The following GPHN variants were observed in gnomAD, a reference collection of about 807,000 sequenced individuals.
GPHN encodes the protein gephyrin.
Under a neutral mutation model 95.5 loss-of-function variants are expected in GPHN, and 17 were observed. The observed-to-expected ratio is 0.18, with a 90% CI of 0.12 to 0.27. The LOEUF is 0.27. Ranked by LOEUF, GPHN falls within the 10% of genes least tolerant of loss-of-function variation. GPHN has a pLI of 1.00. For synonymous variants in GPHN, 320 were observed against 322.5 expected (o/e 0.99, Z 0.08); for missense variants, 660 against 978.1 (o/e 0.67, Z 4.34).
chr14:67,685,618 C>T, the GPHN span, among the ~76,000 whole-genome samples: 1 of 151,828 alleles, frequency 6.6e-6, no homozygotes, highest in East Asian at 1.9e-4. Flanking sequence ...CCACCACACC[C>T]ACCCCATCCC....
At chr14:66,948,410 GA>G (rs528736053) in intron 8 of GPHN, among the ~76,000 whole-genome samples, 148 of 152,158 alleles carry the variant, frequency 9.7e-4, no homozygotes, top group Middle Eastern at 3.4e-3. Flanking sequence ...TATGAATCAT[GA>G]ATTTTTGTAG....
chr14:66,575,459 C>A (rs1489378788), intron 1 of GPHN, among the ~76,000 whole-genome samples: 1 of 152,174 alleles, frequency 6.6e-6, no homozygotes, highest in Non-Finnish European at 1.5e-5. Context: ...TCTTTAGAGT[C>A]ATTTAGTAGT....
At chr14:67,325,030 T>C in the GPHN span, among the ~76,000 whole-genome samples, 2 of 146,402 alleles carry the variant, frequency 1.4e-5, no homozygotes, top group African/African-American at 5.0e-5. Flanking sequence ...TCAGCCTCCC[T>C]AGCAGCTGGG....
At chr14:67,204,850 C>T in the GPHN span, 2 of 1,613,908 alleles carry the variant, frequency 1.2e-6, no homozygotes, top group Non-Finnish European at 8.5e-7. Context: ...AGGTACAGGC[C>T]CTGAACATGT....
the GPHN span, chr14:67,392,325 C>G: frequency 6.3e-7 from 1 of 1,581,980 alleles, no homozygotes; most frequent in Admixed American, 1.7e-5. Flanking sequence ...AGCAGCCATA[C>G]CTGCTTGGCC....
chr14:67,640,226 C>A, the GPHN span, among the ~76,000 whole-genome samples: 1 of 152,006 alleles, frequency 6.6e-6, no homozygotes, highest in Non-Finnish European at 1.5e-5. Flanking sequence ...GCTCTGCTAC[C>A]TTTTTATCTG....
At chr14:66,618,095 A>AT (rs1290729769) in intron 1 of GPHN, among the ~76,000 whole-genome samples, 8 of 151,794 alleles carry the variant, frequency 5.3e-5, no homozygotes, top group Non-Finnish European at 1.2e-4. Flanking sequence ...TCAATCTTAC[A>AT]TTTTTTTCTT....
chr14:67,199,749 C>A, the GPHN span: 1 of 1,554,658 alleles, frequency 6.4e-7, no homozygotes. Flanking sequence ...TCATTGGGGT[C>A]TGGGCTTCCT....
At chr14:66,967,675 A>C (rs1449288985) in intron 9 of GPHN, among the ~76,000 whole-genome samples, 4 of 151,958 alleles carry the variant, frequency 2.6e-5, no homozygotes, top group African/African-American at 9.7e-5. Context: ...GATGCTCAAC[A>C]TGTAAAATAA....
chr14:66,652,751 G>C (rs144854427), intron 1 of GPHN, among the ~76,000 whole-genome samples: 1 of 152,036 alleles, frequency 6.6e-6, no homozygotes, highest in Non-Finnish European at 1.5e-5. Context: ...CCTTGTGAGC[G>C]GTTGGCAGAG....
the GPHN span, among the ~76,000 whole-genome samples, chr14:67,286,307 T>C: frequency 6.6e-6 from 1 of 152,196 alleles, no homozygotes; most frequent in Non-Finnish European, 1.5e-5. Flanking sequence ...TTCCTTCTTG[T>C]GTCTGTTGTC....
At chr14:67,473,201 C>G in the GPHN span, 1 of 615,084 alleles carries the variant, frequency 1.6e-6, no homozygotes, top group Non-Finnish European at 2.8e-6. The surrounding 1 kb of genome is among the most constrained non-coding windows in gnomAD (Gnocchi z 6.5). Context: ...ATGGACCCTT[C>G]CCAATGTCCC....
the GPHN span, chr14:67,279,765 T>C: frequency 7.3e-6 from 3 of 411,136 alleles, no homozygotes; most frequent in Admixed American, 8.3e-5. Flanking sequence ...CATGTTTTTT[T>C]AGATATTAAA....
At chr14:67,168,868 C>A in intron 20 of GPHN, 65 bp from the exon 21 acceptor site, 2 of 1,021,440 alleles carry the variant, frequency 2.0e-6, no homozygotes, top group Non-Finnish European at 3.1e-6. Flanking sequence ...AAGATATAGA[C>A]AGACATAATT....
chr14:67,096,502 G>A (rs1342556566), intron 12 of GPHN, among the ~76,000 whole-genome samples: 1 of 151,992 alleles, frequency 6.6e-6, no homozygotes, highest in East Asian at 1.9e-4. Context: ...TTTTGAGAAT[G>A]CCAACTTCAT....
intron 4 of GPHN, among the ~76,000 whole-genome samples, chr14:66,871,512 G>A (rs1364664808): frequency 1.3e-5 from 2 of 152,134 alleles, no homozygotes; most frequent in Admixed American, 6.5e-5. Flanking sequence ...CCTTGAGAAG[G>A]TGTTAACCTC....
At chr14:67,562,870 C>G in the GPHN span, 2 of 1,612,904 alleles carry the variant, frequency 1.2e-6, no homozygotes, top group South Asian at 1.1e-5. Context: ...CACCTACACC[C>G]CCGCTGCACC....
chr14:66,525,396 T>C (rs1052011227), intron 1 of GPHN, among the ~76,000 whole-genome samples: 1 of 152,208 alleles, frequency 6.6e-6, no homozygotes, highest in African/African-American at 2.4e-5. Context: ...ATATTAGCCC[T>C]TTGTCAGATG....
chr14:67,546,295 A>G, the GPHN span, among the ~76,000 whole-genome samples: 1 of 152,182 alleles, frequency 6.6e-6, no homozygotes, highest in African/African-American at 2.4e-5. Context: ...ATGTGACAAA[A>G]ATTAAGGGTT....
Sources: gnomAD v4.1 joint callset for allele counts (sites outside exome capture counted in the v4.1 genomes callset) on GRCh38, gnomAD v4.1.1 for gene constraint, Gnocchi (gnomAD v3.1) non-coding constraint, MANE v1.5 for transcripts, NCBI Gene and HGNC (gene_info 2026-07-23, HGNC 2026-07-21) for gene names.